DYNC1H1: variants seen among roughly 807,000 people sequenced by gnomAD.
The protein encoded by DYNC1H1 is cytoplasmic dynein 1 heavy chain 1.
A neutral mutation model predicts 527.1 loss-of-function variants in DYNC1H1; 51 were observed. The observed-to-expected ratio is 0.10, with a 90% CI of 0.08 to 0.12. The LOEUF is 0.12. Ranked by LOEUF, DYNC1H1 falls within the 10% of genes least tolerant of loss-of-function variation. The pLI is 1.00. For synonymous variants in DYNC1H1, 2,189 were observed against 2,278.8 expected (o/e 0.96, Z 1.12); for missense variants, 2,771 against 5,971.8 (o/e 0.46, Z 17.66).
intron 11 of DYNC1H1, among the ~76,000 whole-genome samples, chr14:101,992,171 C>T (rs1325842121): frequency 2.0e-5 from 3 of 152,194 alleles, no homozygotes; most frequent in Non-Finnish European, 4.4e-5. Context: ...TCCCCAGTGT[C>T]ACTTCTGAAC....
chr14:101,999,157 T>G (rs567200613), intron 16 of DYNC1H1, among the ~76,000 whole-genome samples: 1 of 151,726 alleles, frequency 6.6e-6, no homozygotes, highest in African/African-American at 2.4e-5. Flanking sequence ...GCTGGGATTA[T>G]AGGCGTGAGC....
chr14:102,050,670 T>TGA lies in DYNC1H1; in HGVS notation c.*109_*110dup, dbSNP rs2048797418. On this transcript the variant is annotated 3_prime_UTR_variant, in exon 78 of 78. Transcript: ENST00000360184. The stretch of plus-strand genomic sequence containing the variant: ...GCTTGTGAAAAGAAAGTGGTTGGTC[T>TGA]GAGGTTGGAGGAAGCTGAATGGAAT... 5.1e-6 allele frequency: 8 copies of TGA among 1,572,496 alleles called. No homozygotes were observed. The highest frequency in any genetic ancestry group is 7.0e-6 in the Non-Finnish European group (8 of 1,149,800).
chr14:101,995,593 A>T (rs2048050923), intron 15 of DYNC1H1, among the ~76,000 whole-genome samples: 1 of 151,296 alleles, frequency 6.6e-6, no homozygotes, highest in African/African-American at 2.4e-5. Context: ...CCTGGGCAAC[A>T]GAGTGAGACT....
chr14:102,003,380 G>C (rs2048153971), intron 23 of DYNC1H1, among the ~76,000 whole-genome samples: 1 of 151,360 alleles, frequency 6.6e-6, no homozygotes, highest in African/African-American at 2.4e-5. Context: ...TCTTTCCTCA[G>C]CCTCCTGAGT....
At chr14:101,978,218 ATTC>A (rs929207793) in intron 2 of DYNC1H1, among the ~76,000 whole-genome samples, 30 of 152,314 alleles carry the variant, frequency 2.0e-4, no homozygotes, top group African/African-American at 7.2e-4. Context: ...TGCCCAGCTA[ATTC>A]TTGTATTTTT....
Position 101,966,423 on chromosome 14 carries a change from T to C in DYNC1H1, c.256+1476T>C, listed in dbSNP as rs77066262. On this transcript the variant is annotated intron_variant, in intron 1 of 77. Transcript: ENST00000360184. Reference sequence around the variant, plus strand: ...AGCCACAAAAGTTAAAAAAAAAAAATTTATCTACTCTTTTTTTTTTCCAAA... The same window carrying C: ...AGCCACAAAAGTTAAAAAAAAAAAACTTATCTACTCTTTTTTTTTTCCAAA... Among the ~76,000 whole-genome samples, 829 of 149,774 alleles carry C rather than the reference T, an allele frequency of 5.5e-3. 17 individuals are homozygous for C. The highest frequency in any genetic ancestry group is 0.037 in the East Asian group (189 of 5,080).
rs1426090298 is a variant in DYNC1H1 at position 102,052,160 on chromosome 14, G to T, written c.*1597G>T. The T allele has an allele frequency of 6.7e-6, 1 of 148,348 alleles. No homozygotes were observed. The highest frequency in any genetic ancestry group is 2.5e-5 in the African/African-American group (1 of 40,166). 9.2% of individuals were successfully genotyped at this position (148,348 alleles called of 1,614,324 possible). ...ACATGTTTTTCTTTTTAGAGACAGG[G>T]TCTCACTCGGTTGCCCAGGCTGGAG... is the stretch of plus-strand genomic sequence containing the variant. On this transcript the variant is annotated 3_prime_UTR_variant, in exon 78 of 78. Transcript: ENST00000360184.
chr14:102,013,832 C>T (rs2048288777), intron 34 of DYNC1H1, among the ~76,000 whole-genome samples: 1 of 152,154 alleles, frequency 6.6e-6, no homozygotes, highest in South Asian at 2.1e-4. Context: ...GGCGAGCTGG[C>T]AGCAGCGAAG....
intron 1 of DYNC1H1, among the ~76,000 whole-genome samples, chr14:101,972,150 G>A (rs1313048188): frequency 1.3e-5 from 2 of 151,824 alleles, no homozygotes; most frequent in African/African-American, 4.8e-5. Context: ...AATATAACAG[G>A]GCTAATAGCC....
Position 102,017,791 on chromosome 14 carries a change from C to T in DYNC1H1, c.8177+287C>T, listed in dbSNP as rs2048341047. 4.5e-6 allele frequency: 2 copies of T among 444,334 alleles called. No individual in the cohort carries two copies. The highest frequency in any genetic ancestry group is 2.0e-5 in the African/African-American group (1 of 49,380). 27.5% of individuals were successfully genotyped at this position (444,334 alleles called of 1,614,324 possible). A position where few individuals can be genotyped will look rare whatever the true frequency, so the allele number is the denominator to read the frequency against. ...ACCATCCTGGCCAACACAGTGAAAC[C>T]TCGTCTCTACTGAAAATACAAAAAC... On this transcript the variant is annotated intron_variant, in intron 40 of 77. Coordinates refer to ENST00000360184, the MANE Select transcript of DYNC1H1 (RefSeq NM_001376.5). This position sits in a 1 kb window ranked among gnomAD's most constrained non-coding sequence, Gnocchi z 4.6.
intron 72 of DYNC1H1, among the ~76,000 whole-genome samples, chr14:102,046,422 C>T (rs2048719728): frequency 6.6e-6 from 1 of 151,258 alleles, no homozygotes; most frequent in East Asian, 1.9e-4. Context: ...AGGGATAAGC[C>T]AGGCGAGCTG....
In DYNC1H1 at chr14:102,038,392, A is replaced by G. The variant is rs993439515; in HGVS notation, c.10909-68A>G. 4.4e-6 allele frequency: 7 copies of G among 1,600,724 alleles called. No homozygotes were observed. The highest frequency in any genetic ancestry group is 4.0e-5 in the African/African-American group (3 of 74,648). On this transcript the variant is annotated intron_variant, in intron 57 of 77. Transcript: ENST00000360184. This position sits in a 1 kb window ranked among gnomAD's most constrained non-coding sequence, Gnocchi z 7.2. ...TATGCTTATCCAGAGTAGGACAGCA[A>G]CATAGCATTTGGGTGAAGATAAAGT...
Position 102,010,027 on chromosome 14 carries a change from G to A in DYNC1H1, c.6162G>A (p.Leu2054=). 1 of 1,614,026 alleles carries A rather than the reference G, an allele frequency of 6.2e-7. No homozygotes were observed. The highest frequency in any genetic ancestry group is 8.5e-7 in the Non-Finnish European group (1 of 1,180,030). Reference sequence around the variant, plus strand: ...GGCAGTTAATCGCCCAGGTCATGCTGTACTCACAGGGTTTCCGCACTGCTG... The same window carrying A: ...GGCAGTTAATCGCCCAGGTCATGCTATACTCACAGGGTTTCCGCACTGCTG... The part of the protein sequence containing the change: ...PDRQLIAQVM[L]YSQGFRTAEV... Residue 2054 remains leucine (L), a synonymous_variant, in exon 30 of 78, where the codon CTG becomes CTA. Transcript: ENST00000360184. The surrounding 1 kb of genome is among the most constrained non-coding windows in gnomAD (Gnocchi z 6.0).
At position 101,983,243 on chromosome 14, in the gene DYNC1H1, T is replaced by C. The variant is rs1036411150; in HGVS notation, c.1186T>C (p.Leu396=). 2 of 1,614,116 alleles carry C rather than the reference T, an allele frequency of 1.2e-6. No individual in the cohort carries two copies. The highest frequency in any genetic ancestry group is 2.7e-5 in the African/African-American group (2 of 74,942). ...CTTGAGTTCTCAATTACTCAAAGTATTGGGCACTAGGAAATTGATGCATGT... is the reference window on the plus strand; with the variant it reads ...CTTGAGTTCTCAATTACTCAAAGTACTGGGCACTAGGAAATTGATGCATGT... ...RDLSSQLLKV[L]GTRKLMHVAY... Residue 396 remains leucine, a synonymous_variant, in exon 6 of 78, where the codon TTG becomes CTG. Transcript: ENST00000360184. The surrounding 1 kb of genome is among the most constrained non-coding windows in gnomAD (Gnocchi z 5.3).
At chr14:101,984,455 T>A (rs1595600060) in intron 7 of DYNC1H1, among the ~76,000 whole-genome samples, 1 of 124,888 alleles carries the variant, frequency 8.0e-6, no homozygotes, top group East Asian at 2.2e-4. Flanking sequence ...ATTATATTTT[T>A]TTTTTTTTTT....
intron 1 of DYNC1H1, among the ~76,000 whole-genome samples, chr14:101,967,796 C>T (rs1163042902): frequency 6.6e-6 from 1 of 152,184 alleles, no homozygotes; most frequent in African/African-American, 2.4e-5. Context: ...CACTTTGCTC[C>T]AGCCTGGGTA....
At chr14:101,981,325 G>A (rs1029690654) in intron 5 of DYNC1H1, among the ~76,000 whole-genome samples, 9 of 152,078 alleles carry the variant, frequency 5.9e-5, no homozygotes, top group Admixed American at 2.0e-4. Context: ...GACTTGCCAC[G>A]TTGCCCATGC....
chr14:102,016,534 G>C lies in DYNC1H1; in HGVS notation c.7614+45G>C. 1.9e-6 allele frequency: 3 copies of C among 1,613,850 alleles called. No homozygotes were observed. The highest frequency in any genetic ancestry group is 2.5e-6 in the Non-Finnish European group (3 of 1,179,878). ...CCGTGTTTCTGATTCTCGCCTTGTT[G>C]ATTTAACTCATCCTGGAACAAGCTG... On this transcript the variant is annotated intron_variant, in intron 37 of 77. Transcript: ENST00000360184. This position sits in a 1 kb window ranked among gnomAD's most constrained non-coding sequence, Gnocchi z 7.3.
chr14:102,048,930 C>A, intron 74 of DYNC1H1: 1 of 517,516 alleles, frequency 1.9e-6, no homozygotes, highest in Non-Finnish European at 3.5e-6. Flanking sequence ...AGGGGTCTTC[C>A]AAGACGACAG....
Sources: allele counts gnomAD v4.1 joint callset (sites outside exome capture counted in the v4.1 genomes callset), GRCh38; gene constraint gnomAD v4.1.1; non-coding constraint Gnocchi (gnomAD v3.1); transcripts MANE v1.5; gene names NCBI Gene and HGNC (gene_info 2026-07-23, HGNC 2026-07-21).